RFTN2: variants seen among roughly 807,000 people sequenced by gnomAD.
RFTN2 encodes raftlin-2.
Under a neutral mutation model 52.7 loss-of-function variants are expected in RFTN2, and 34 were observed. The ratio of observed to expected loss-of-function variants is 0.64; its 90% CI spans 0.49 to 0.86. The LOEUF (loss-of-function observed/expected upper bound fraction) is 0.86, where lower values mean the gene tolerates loss of function less well. Among genes scored for constraint, RFTN2 ranks in the 40% least tolerant of loss-of-function variants. RFTN2 has a pLI of 0.00. For missense variants in RFTN2, 536 were observed against 600.1 expected (o/e 0.89, Z 1.12); for synonymous variants, 203 against 217.7 (o/e 0.93, Z 0.59).
chr2:197,641,593 ATT>A (rs1185361179), intron 3 of RFTN2, among the ~76,000 whole-genome samples: 1 of 152,096 alleles, frequency 6.6e-6, no homozygotes, highest in African/African-American at 2.4e-5. Flanking sequence ...TTTTTTTTCC[ATT>A]TTTAAGTTGG....
intron 8 of RFTN2, among the ~76,000 whole-genome samples, chr2:197,583,818 C>T (rs1354574880): frequency 6.6e-6 from 1 of 152,044 alleles, no homozygotes; most frequent in African/African-American, 2.4e-5. Context: ...TGATGTTCCC[C>T]TTCTTGAGTC....
intron 7 of RFTN2, among the ~76,000 whole-genome samples, chr2:197,600,934 C>A (rs933350412): frequency 3.9e-5 from 6 of 152,152 alleles, no homozygotes; most frequent in African/African-American, 1.4e-4. Context: ...CTAGTACAAA[C>A]TGTTTTGGTG....
chr2:197,588,762 G>A lies in RFTN2; in HGVS notation c.1233+7229C>T, dbSNP rs949568949. 2.0e-5 allele frequency among the ~76,000 whole-genome samples: 3 copies of A among 152,308 alleles called. No homozygotes were observed. The East Asian group carries it at 5.8e-4, about 29-fold the overall frequency. ...TGAGAAGCTGCCAAACTGTTTTCCA[G>A]GGTGGATGATATGGTTTGGTTCTGT... On this transcript the variant is annotated intron_variant, in intron 8 of 8. Transcript: ENST00000295049.
At chr2:197,580,157 C>T (rs7604192) in intron 8 of RFTN2, among the ~76,000 whole-genome samples, 1,577 of 152,114 alleles carry the variant, frequency 0.01, 30 homozygotes, top group African/African-American at 0.033. Context: ...TTACCCGATC[C>T]GCTCCCGACA....
At chr2:197,602,876 T>C (rs2087900879) in intron 7 of RFTN2, among the ~76,000 whole-genome samples, 1 of 152,194 alleles carries the variant, frequency 6.6e-6, no homozygotes, top group East Asian at 1.9e-4. Context: ...ATATATGCCA[T>C]GGAATACTAT....
chr2:197,653,640 T>C (rs577910017), intron 1 of RFTN2, among the ~76,000 whole-genome samples: 38 of 152,194 alleles, frequency 2.5e-4, no homozygotes, highest in Non-Finnish European at 4.1e-4. Context: ...CAAAAATCTA[T>C]TGGGTTGGTG....
chr2:197,585,104 T>G (rs922978106), intron 8 of RFTN2, among the ~76,000 whole-genome samples: 26 of 152,204 alleles, frequency 1.7e-4, no homozygotes, highest in African/African-American at 5.8e-4. Context: ...CTCTTCCTCC[T>G]GGAAGTCGCA....
chr2:197,593,457 G>C (rs2087748456), intron 8 of RFTN2, among the ~76,000 whole-genome samples: 1 of 152,180 alleles, frequency 6.6e-6, no homozygotes, highest in South Asian at 2.1e-4. Context: ...TTAAGTAAAA[G>C]AGACTGTGAG....
intron 1 of RFTN2, among the ~76,000 whole-genome samples, chr2:197,656,975 G>C (rs1327487861): frequency 6.6e-6 from 1 of 152,084 alleles, no homozygotes; most frequent in Non-Finnish European, 1.5e-5. Context: ...GCCCAGTGCT[G>C]CCATGTGGAA....
intron 5 of RFTN2, among the ~76,000 whole-genome samples, chr2:197,623,413 G>A (rs1190884736): frequency 3.3e-5 from 5 of 152,322 alleles, no homozygotes; most frequent in East Asian, 1.9e-4. Flanking sequence ...CTGCAATCTC[G>A]TAGTAAAACC....
intron 7 of RFTN2, among the ~76,000 whole-genome samples, chr2:197,615,108 T>C (rs2088121107): frequency 6.6e-6 from 1 of 152,202 alleles, no homozygotes; most frequent in Non-Finnish European, 1.5e-5. Flanking sequence ...CAGGGCTAAG[T>C]TGCTAAACCG....
intron 8 of RFTN2, among the ~76,000 whole-genome samples, chr2:197,575,894 A>G (rs936695235): frequency 7.0e-6 from 1 of 142,254 alleles, no homozygotes; most frequent in Non-Finnish European, 1.5e-5. Flanking sequence ...TATAATATAT[A>G]TAATATATAT....
At chr2:197,600,825 G>T (rs906216425) in intron 7 of RFTN2, among the ~76,000 whole-genome samples, 2 of 152,168 alleles carry the variant, frequency 1.3e-5, no homozygotes, top group Non-Finnish European at 2.9e-5. Flanking sequence ...TTCTGTTTTA[G>T]ACTTTAATGG....
intron 1 of RFTN2, among the ~76,000 whole-genome samples, chr2:197,669,060 G>A (rs1188228941): frequency 6.6e-6 from 1 of 152,132 alleles, no homozygotes; most frequent in African/African-American, 2.4e-5. Context: ...GAATTCCAGT[G>A]TGCTCTCTTG....
chr2:197,625,276 C>G (rs932591968), intron 5 of RFTN2, among the ~76,000 whole-genome samples: 6 of 152,196 alleles, frequency 3.9e-5, no homozygotes, highest in Non-Finnish European at 5.9e-5. Flanking sequence ...GCTGAATATC[C>G]TGAGGGTACT....
At chr2:197,654,179 G>A (rs1310303527) in intron 1 of RFTN2, among the ~76,000 whole-genome samples, 1 of 152,116 alleles carries the variant, frequency 6.6e-6, no homozygotes, top group East Asian at 1.9e-4. Flanking sequence ...CTTGAGGCCA[G>A]GAGTTTGAGA....
chr2:197,642,243 G>A (rs756069269), intron 3 of RFTN2, among the ~76,000 whole-genome samples: 8 of 152,096 alleles, frequency 5.3e-5, no homozygotes, highest in Non-Finnish European at 1.2e-4. Flanking sequence ...AGAGAAACAA[G>A]TGAACACATT....
rs1015426624 is a variant in RFTN2, at chr2:197,569,252, A to G, written c.*2756T>C. 2 of 152,252 alleles carry G rather than the reference A, an allele frequency of 1.3e-5. No homozygotes were observed. The highest frequency in any genetic ancestry group is 2.9e-5 in the Non-Finnish European group (2 of 68,044). 9.4% of individuals were successfully genotyped at this position (152,252 alleles called of 1,614,324 possible). ...CTTTCATTATAACTTACAGGTTTTA[A>G]AAATTCACATGCCAGAGCCCCTAAG... On this transcript the variant is annotated 3_prime_UTR_variant, in exon 9 of 9. Coordinates refer to ENST00000295049, the MANE Select transcript of RFTN2 (RefSeq NM_144629.3).
intron 1 of RFTN2, among the ~76,000 whole-genome samples, chr2:197,662,906 A>T (rs961357676): frequency 1.3e-5 from 2 of 152,094 alleles, no homozygotes; most frequent in Non-Finnish European, 2.9e-5. Flanking sequence ...GATTACAGAT[A>T]TGAGCCACTG....
Sources: gnomAD v4.1 joint callset for allele counts (sites outside exome capture counted in the v4.1 genomes callset) on GRCh38, gnomAD v4.1.1 for gene constraint, MANE v1.5 for transcripts, NCBI Gene and HGNC (gene_info 2026-07-23, HGNC 2026-07-21) for gene names.